The following SPEG variants were observed in gnomAD, a reference collection of about 807,000 sequenced individuals.
SPEG encodes striated muscle enriched protein kinase.
A neutral mutation model predicts 300.4 loss-of-function variants in SPEG; 114 were observed. The ratio of observed to expected loss-of-function variants is 0.38; its 90% CI spans 0.33 to 0.44. The LOEUF is 0.44. SPEG is among the 20% of genes least tolerant of loss of function. SPEG has a pLI of 1.00. For missense variants in SPEG, 4,201 were observed against 4,586.2 expected, an observed-to-expected ratio of 0.92 and a Z score of 2.43; for synonymous variants, 1,964 against 2,018.9, an observed-to-expected ratio of 0.97 and a Z score of 0.73.
At position 219,480,764 on chromosome 2, in the gene SPEG, C is replaced by A; in HGVS notation, c.5369+67C>A. On this transcript the variant is annotated intron_variant, in intron 26 of 40. Coordinates refer to ENST00000312358, the MANE Select transcript of SPEG (RefSeq NM_005876.5). The surrounding 1 kb of genome is among the most constrained non-coding windows in gnomAD (Gnocchi z 5.3). ...TCTACCCCTAACCTTTGCAGGGCTG[C>A]AGCCCACCCCCTTCTCTTCCGCACC... 6.8e-7 allele frequency: 1 copy of A among 1,461,454 alleles called. No homozygotes were observed. The highest frequency in any genetic ancestry group is 9.6e-7 in the Non-Finnish European group (1 of 1,041,548). 90.5% of individuals were successfully genotyped at this position (1,461,454 alleles called of 1,614,324 possible). A position where few individuals can be genotyped will look rare whatever the true frequency, so the allele number is the denominator to read the frequency against.
At position 219,439,508 on chromosome 2, in the gene SPEG, T is replaced by C. The variant is rs1252609326; in HGVS notation, c.388+4143T>C. Among the ~76,000 whole-genome samples, 3 of 151,516 alleles carry C rather than the reference T, an allele frequency of 2.0e-5. No individual in the cohort carries two copies. Among genetic ancestry groups the C allele is most frequent in the Non-Finnish European group, 2.9e-5 (2 of 67,876 alleles). ...AAGAGGAGACAAAAGGGAGGTGGGG[T>C]GGGAGCTTGTGGCATAGGATGGAGA... On this transcript the variant is annotated intron_variant, in intron 1 of 40. Coordinates refer to ENST00000312358, the MANE Select transcript of SPEG (RefSeq NM_005876.5). The surrounding 1 kb of genome is among the most constrained non-coding windows in gnomAD (Gnocchi z 4.5).
In SPEG at chr2:219,469,266, T is replaced by G. The variant is rs766373711; in HGVS notation, c.3602T>G (p.Leu1201Arg). ...CCACTGCAGGACCTGGAGGTGGGAC[T>G]GGCCAAGGAGGCCATGCTAGAGTGC... ...LRPLQDLEVG[L>R]AKEAMLECQV... Residue 1201 changes from leucine to arginine, a missense_variant, in exon 13 of 41, where the codon CTG becomes CGG. By Grantham distance (102) the Leu-to-Arg change is moderately radical (BLOSUM62 -2). Around this residue, in one of 4 missense-constraint regions of SPEG, gnomAD observed 1,047 missense variants for 1,356.8 expected, o/e 0.77. Transcript: ENST00000312358. 6.2e-7 allele frequency: 1 copy of G among 1,613,910 alleles called. No homozygotes were observed. Among genetic ancestry groups the G allele is most frequent in the Non-Finnish European group, 8.5e-7 (1 of 1,179,994 alleles).
intron 39 of SPEG, 120 bp downstream of exon 39, chr2:219,491,989 C>A: frequency 7.4e-7 from 1 of 1,350,858 alleles, no homozygotes; most frequent in Non-Finnish European, 1.0e-6. Flanking sequence ...CCACACTGCA[C>A]ACTCACACTC....
rs980322401 is a variant in SPEG at position 219,458,076 on chromosome 2, G to A, written c.2441-3806G>A. On this transcript the variant is annotated intron_variant, in intron 6 of 40. Coordinates refer to ENST00000312358, the MANE Select transcript of SPEG (RefSeq NM_005876.5). This position sits in a 1 kb window ranked among gnomAD's most constrained non-coding sequence, Gnocchi z 4.2. ...TCCCCACCACCCAGAAGGCTCCTGA[G>A]GACATGACCATGTCTTTGCCACTCC... Among the ~76,000 whole-genome samples, 3 of 152,112 alleles carry A rather than the reference G, an allele frequency of 2.0e-5. No homozygotes were observed. The highest frequency in any genetic ancestry group is 4.4e-5 in the Non-Finnish European group (3 of 68,032).
At chr2:219,435,857 T>C (rs893573853) in intron 1 of SPEG, among the ~76,000 whole-genome samples, 1 of 152,106 alleles carries the variant, frequency 6.6e-6, no homozygotes, top group African/African-American at 2.4e-5. Flanking sequence ...GTGGCAGGGT[T>C]GATGTGGTCA....
chr2:219,486,231 T>TC (rs1429114484), intron 31 of SPEG, among the ~76,000 whole-genome samples: 13 of 151,900 alleles, frequency 8.6e-5, no homozygotes, highest in East Asian at 5.8e-4. Context: ...GGTCACCCCA[T>TC]CCCCCCTGAA....
At chr2:219,482,016 T>C (rs781763474) in intron 28 of SPEG, 88 of 446,672 alleles carry the variant, frequency 2.0e-4, no homozygotes, top group Non-Finnish European at 3.3e-4. Flanking sequence ...TGTCCATCTC[T>C]GTCCTGCACT....
chr2:219,480,823 G>T lies in SPEG; in HGVS notation c.5369+126G>T. ...CTTCTTGCACTGCAAGGAGCCTCAT[G>T]TGCATGAAGGTGGACACCCCTGTCT... On this transcript the variant is annotated intron_variant, in intron 26 of 40. Coordinates refer to ENST00000312358, the MANE Select transcript of SPEG (RefSeq NM_005876.5). The surrounding 1 kb of genome is among the most constrained non-coding windows in gnomAD (Gnocchi z 5.3). The T allele has an allele frequency of 2.2e-6, 2 of 890,644 alleles. No homozygotes were observed. Among genetic ancestry groups the T allele is most frequent in the Non-Finnish European group, 3.7e-6 (2 of 544,628 alleles). The allele number at this position is 890,644 out of a possible 1,614,324, so 55.2% of individuals were successfully genotyped here.
chr2:219,478,169 C>A, intron 22 of SPEG, 64 bp downstream of exon 22: 1 of 1,358,746 alleles, frequency 7.4e-7, no homozygotes, highest in Non-Finnish European at 1.0e-6. Flanking sequence ...TTGTAACATC[C>A]AATAGGCAAC....
chr2:219,482,293 G>A (rs1692921791), intron 28 of SPEG: 1 of 171,370 alleles, frequency 5.8e-6, no homozygotes, highest in African/African-American at 2.4e-5. Flanking sequence ...GTTGAATTAA[G>A]AGCCTTCTTT....
Position 219,485,005 on chromosome 2 carries a change from G to A in SPEG, c.7542G>A (p.Gln2514=). 1 of 1,531,602 alleles carries A rather than the reference G, an allele frequency of 6.5e-7. No individual in the cohort carries two copies. Among genetic ancestry groups the A allele is most frequent in the Non-Finnish European group, 8.7e-7 (1 of 1,145,454 alleles). 94.9% of individuals were successfully genotyped at this position (1,531,602 alleles called of 1,614,324 possible). The part of the protein sequence containing the change: ...LGLPHNQLAA[Q]AGATTPSAES... ...TTCCGCACAACCAGTTGGCCGCCCA[G>A]GCCGGCGCCACCACGCCTTCCGCCG... Residue 2514 remains glutamine (Q), a synonymous_variant, in exon 30 of 41, where the codon CAG becomes CAA. Coordinates refer to ENST00000312358, the MANE Select transcript of SPEG (RefSeq NM_005876.5).
Position 219,480,759 on chromosome 2 carries a change from G to A in SPEG, c.5369+62G>A. On this transcript the variant is annotated intron_variant, in intron 26 of 40. Transcript: ENST00000312358. The surrounding 1 kb of genome is among the most constrained non-coding windows in gnomAD (Gnocchi z 5.3). Reference sequence around the variant, plus strand: ...GCAGGTCTACCCCTAACCTTTGCAGGGCTGCAGCCCACCCCCTTCTCTTCC... The same window carrying A: ...GCAGGTCTACCCCTAACCTTTGCAGAGCTGCAGCCCACCCCCTTCTCTTCC... The A allele has an allele frequency of 6.6e-7, 1 of 1,509,186 alleles. No individual in the cohort carries two copies. The highest frequency in any genetic ancestry group is 9.2e-7 in the Non-Finnish European group (1 of 1,084,856). The allele number at this position is 1,509,186 out of a possible 1,614,324, so 93.5% of individuals were successfully genotyped here.
At chr2:219,485,253 G>T (rs1460725783) in intron 30 of SPEG, 93 bp from the exon 31 acceptor site, 4 of 1,522,046 alleles carry the variant, frequency 2.6e-6, no homozygotes, top group Non-Finnish European at 8.9e-7. Flanking sequence ...GTGGGCTAGG[G>T]GTTCCTTCTG....
chr2:219,437,429 A>G (rs559897951), intron 1 of SPEG: 26 of 152,378 alleles, frequency 1.7e-4, no homozygotes, highest in African/African-American at 6.3e-4. Context: ...GTACCTAGAC[A>G]GAGGCCAGGC....
rs757897327 is a variant in SPEG, at chr2:219,480,654, C to T, written c.5343-17C>T. On this transcript the variant is annotated splice_polypyrimidine_tract_variant and intron_variant, in intron 25 of 40. Transcript: ENST00000312358. This position sits in a 1 kb window ranked among gnomAD's most constrained non-coding sequence, Gnocchi z 5.3. ...AGAGGGGCGGTCCTCTTACCTATCA[C>T]TCTCCTTTTCCCACAGGCCTGTGGG... 2 of 1,613,850 alleles carry T rather than the reference C, an allele frequency of 1.2e-6. No individual in the cohort carries two copies. The highest frequency in any genetic ancestry group is 1.7e-6 in the Non-Finnish European group (2 of 1,179,774).
intron 9 of SPEG, chr2:219,466,247 T>C: frequency 7.0e-7 from 1 of 1,433,608 alleles, no homozygotes; most frequent in East Asian, 2.5e-5. Flanking sequence ...CATGGGCCCC[T>C]GTGGACCCTC....
chr2:219,447,642 T>G (rs1191858620), intron 3 of SPEG, among the ~76,000 whole-genome samples: 1 of 145,658 alleles, frequency 6.9e-6, no homozygotes, highest in East Asian at 2.1e-4. Context: ...GTCCTAAGCC[T>G]CATTCTTTTC....
At chr2:219,485,974 C>G (rs756878342) in intron 31 of SPEG, among the ~76,000 whole-genome samples, 1 of 152,230 alleles carries the variant, frequency 6.6e-6, no homozygotes, top group Admixed American at 6.5e-5. Flanking sequence ...CCACAGTCCC[C>G]CTTTAGATGT....
At chr2:219,454,733 A>G (rs1341565713) in intron 6 of SPEG, among the ~76,000 whole-genome samples, 2 of 152,236 alleles carry the variant, frequency 1.3e-5, no homozygotes, top group African/African-American at 2.4e-5. Flanking sequence ...TTCAGCAACA[A>G]CTGATTTAGG....
Sources: allele counts gnomAD v4.1 joint callset (sites outside exome capture counted in the v4.1 genomes callset), GRCh38; gene constraint gnomAD v4.1.1; regional missense constraint gnomAD v4.1.1; non-coding constraint Gnocchi (gnomAD v3.1); transcripts MANE v1.5; gene names NCBI Gene and HGNC (gene_info 2026-07-23, HGNC 2026-07-21).